ZNF467: variants seen among roughly 807,000 people sequenced by gnomAD.
ZNF467 encodes zinc finger protein 467.
Under a neutral mutation model 47.8 loss-of-function variants are expected in ZNF467, and 51 were observed. The ratio of observed to expected loss-of-function variants is 1.07; its 90% CI spans 0.85 to 1.35. ZNF467 has a LOEUF of 1.35. Ranked by LOEUF, ZNF467 falls within the 40% of genes most tolerant of loss-of-function variation. ZNF467 has a pLI of 0.00. For missense variants in ZNF467, 992 were observed against 858.1 expected, an observed-to-expected ratio of 1.16 and a Z score of -1.95; for synonymous variants, 416 against 372.9, an observed-to-expected ratio of 1.12 and a Z score of -1.33.
chr7:149,765,651 T>C lies in ZNF467; in HGVS notation c.851A>G (p.Lys284Arg). 1.2e-6 allele frequency: 2 copies of C among 1,611,518 alleles called. No homozygotes were observed. The change falls in exon 5 of 5, where the codon AAG (lysine) becomes AGG (arginine). Residue 284 changes from lysine to arginine, a missense_variant. Physicochemically the swap from Lys to Arg is conservative, Grantham distance 26. Coordinates refer to ENST00000302017, the MANE Select transcript of ZNF467 (RefSeq NM_207336.3). Reference sequence around the variant, plus strand: ...GCGCTGGTGCCGAATCAAGTGCGTCTTCTTGCGAAAGCGCTTCTCGCATTC... The same window carrying C: ...GCGCTGGTGCCGAATCAAGTGCGTCCTCTTGCGAAAGCGCTTCTCGCATTC... ...CTECEKRFRK[K>R]THLIRHQRIH...
At position 149,764,426 on chromosome 7, in the gene ZNF467, G is replaced by A; in HGVS notation, c.*288C>T. Reference sequence around the variant, plus strand: ...ATAACCACTCTTTCCTGCCCTGGTTGAGGCCGCGCTGGGTCCGGGAAATAT... The same window carrying A: ...ATAACCACTCTTTCCTGCCCTGGTTAAGGCCGCGCTGGGTCCGGGAAATAT... On this transcript the variant is annotated 3_prime_UTR_variant, in exon 5 of 5. Transcript: ENST00000302017. The A allele has an allele frequency of 1.7e-6, 1 of 602,382 alleles. No individual in the cohort carries two copies. 37.3% of individuals were successfully genotyped at this position (602,382 alleles called of 1,614,324 possible). A position where few individuals can be genotyped will look rare whatever the true frequency, so the allele number is the denominator to read the frequency against.
At chr7:149,774,448 G>A (rs1799521114), upstream of ZNF467, among the ~76,000 whole-genome samples, 1 of 152,158 alleles carries the variant, frequency 6.6e-6, no homozygotes, top group African/African-American at 2.4e-5. This position sits in a 1 kb window ranked among gnomAD's most constrained non-coding sequence, Gnocchi z 5.7. Flanking sequence ...CCCAATCCCA[G>A]TGCTGCCTGA....
chr7:149,772,293 G>A (rs1269676575), intron 1 of ZNF467, among the ~76,000 whole-genome samples: 5 of 34,384 alleles, frequency 1.5e-4, no homozygotes, highest in Admixed American at 6.1e-4. Context: ...CTTCCCCTCC[G>A]AGGCCCCCGC....
intron 1 of ZNF467, among the ~76,000 whole-genome samples, chr7:149,771,376 C>A (rs981109720): frequency 1.3e-5 from 2 of 152,196 alleles, no homozygotes; most frequent in African/African-American, 2.4e-5. Context: ...CACGCCCCAG[C>A]GTCCTTGCCT....
Position 149,764,816 on chromosome 7 carries a change from C to G in ZNF467, c.1686G>C (p.Gln562His), listed in dbSNP as rs1322211867. ...FSRKTHLVRH[Q>H]LIHGEAAHAA... The stretch of plus-strand genomic sequence containing the variant: ...CGTGGGCGGCTTCGCCGTGAATGAG[C>G]TGGTGCCGCACCAGGTGGGTCTTGC... The change falls in exon 5 of 5, where the codon CAG (glutamine) becomes CAC (histidine). Residue 562 changes from glutamine (Q) to histidine (H), a missense_variant. Gln to His is a conservative substitution (Grantham distance 24, BLOSUM62 0). Transcript: ENST00000302017. 1.3e-6 allele frequency: 2 copies of G among 1,535,186 alleles called. No homozygotes were observed. Among genetic ancestry groups the G allele is most frequent in the Non-Finnish European group, 1.8e-6 (2 of 1,141,898 alleles).
Position 149,770,530 on chromosome 7 carries a change from C to A in ZNF467, c.61G>T (p.Ala21Ser). Reference sequence around the variant, plus strand: ...CCTTCCCTGGGCTCACTTTGGGGGGCCATCTCTGGCTGTCCCACAGAGAAT... The same window carrying A: ...CCTTCCCTGGGCTCACTTTGGGGGGACATCTCTGGCTGTCCCACAGAGAAT... ...LGFSVGQPEM[A>S]PQSEPREGSH... Residue 21 changes from alanine to serine, a missense_variant, in exon 3 of 5, where the codon GCC (alanine) becomes TCC (serine). Ala to Ser is a moderately conservative substitution (Grantham distance 99, BLOSUM62 1). Transcript: ENST00000302017. The A allele has an allele frequency of 6.2e-7, 1 of 1,613,444 alleles. No individual in the cohort carries two copies. The highest frequency in any genetic ancestry group is 8.5e-7 in the Non-Finnish European group (1 of 1,179,702).
At chr7:149,772,457 T>C (rs1799452022) in intron 1 of ZNF467, among the ~76,000 whole-genome samples, 2 of 95,104 alleles carry the variant, frequency 2.1e-5, no homozygotes, top group Non-Finnish European at 4.0e-5. Flanking sequence ...GCTGACCCGC[T>C]CTCTCGGGAC....
intron 2 of ZNF467, 139 bp downstream of exon 2, chr7:149,770,860 T>A: frequency 9.7e-7 from 1 of 1,036,154 alleles, no homozygotes; most frequent in Non-Finnish European, 1.5e-6. Context: ...CACCCCGTGC[T>A]ACAGAAAAGG....
upstream of ZNF467, chr7:149,776,029 G>C: frequency 7.3e-7 from 1 of 1,364,866 alleles, no homozygotes; most frequent in Non-Finnish European, 9.8e-7. Context: ...GGTGCCCTGG[G>C]GGTGAGGGCA....
intron 1 of ZNF467, 118 bp downstream of exon 1, chr7:149,772,990 C>T (rs987344268): frequency 4.7e-5 from 7 of 149,496 alleles, no homozygotes; most frequent in African/African-American, 1.5e-4. Flanking sequence ...CCCCCACGCC[C>T]GCCGTCCGCG....
At chr7:149,773,683 G>C (rs1466455482), upstream of ZNF467, among the ~76,000 whole-genome samples, 1 of 148,398 alleles carries the variant, frequency 6.7e-6, no homozygotes, top group Non-Finnish European at 1.5e-5. Context: ...AACGAGGAGG[G>C]GCCGTGTCGG....
chr7:149,764,534 G>T lies in ZNF467; in HGVS notation c.*180C>A. 1 of 1,157,340 alleles carries T rather than the reference G, an allele frequency of 8.6e-7. No individual in the cohort carries two copies. Among genetic ancestry groups the T allele is most frequent in the Non-Finnish European group, 1.3e-6 (1 of 798,756 alleles). The allele number at this position is 1,157,340 out of a possible 1,614,324, so 71.7% of individuals were successfully genotyped here. On this transcript the variant is annotated 3_prime_UTR_variant, in exon 5 of 5. Transcript: ENST00000302017. ...CCCAGCAAGGGTTCGCTGAGTCTCT[G>T]TCCTAGGAGGTCCGAGCTGGGTATG...
chr7:149,769,179 T>A lies in ZNF467; in HGVS notation c.173A>T (p.Glu58Val). ...GGCTTGTTCTGTGTGGGCACCTTCC[T>A]CCGGTGTAGGGGCCTCGTGCCCTGG... ...VCSGHEAPTP[E>V]EGAHTEQAEA... The change falls in exon 4 of 5, where the codon GAG becomes GTG. Residue 58 changes from glutamate to valine, a missense_variant. Transcript: ENST00000302017. The surrounding 1 kb of genome is among the most constrained non-coding windows in gnomAD (Gnocchi z 5.3). 1 of 1,559,780 alleles carries A rather than the reference T, an allele frequency of 6.4e-7. No individual in the cohort carries two copies.
chr7:149,765,732 A>C lies in ZNF467; in HGVS notation c.770T>G (p.Ile257Ser), dbSNP rs781690413. The C allele has an allele frequency of 1.2e-6, 2 of 1,609,864 alleles. No individual in the cohort carries two copies. Among genetic ancestry groups the C allele is most frequent in the South Asian group, 2.2e-5 (2 of 90,902 alleles). Reference sequence around the variant, plus strand: ...GGTCTTTTGGTGCGAGCCCAGGTGGATCTTCTGGCTGAAGCGCTTGCCGCA... The same window carrying C: ...GGTCTTTTGGTGCGAGCCCAGGTGGCTCTTCTGGCTGAAGCGCTTGCCGCA... ...AECGKRFSQK[I>S]HLGSHQKTHT... Residue 257 changes from isoleucine to serine, a missense_variant, in exon 5 of 5, where the codon ATC (isoleucine) becomes AGC (serine). Transcript: ENST00000302017.
chr7:149,769,985 C>T lies in ZNF467; in HGVS notation c.151+455G>A, dbSNP rs1245185438. ...AGCCACCATGCCCGGCTTCCCCAAG[C>T]TCCTTCAAATCCTGCACAAATCTTA... is the stretch of plus-strand genomic sequence containing the variant. On this transcript the variant is annotated intron_variant, in intron 3 of 4. Coordinates refer to ENST00000302017, the MANE Select transcript of ZNF467 (RefSeq NM_207336.3). The surrounding 1 kb of genome is among the most constrained non-coding windows in gnomAD (Gnocchi z 5.3). Among the ~76,000 whole-genome samples the T allele has an allele frequency of 6.6e-6, 1 of 152,150 alleles. No homozygotes were observed. The highest frequency in any genetic ancestry group is 1.5e-5 in the Non-Finnish European group (1 of 68,026).
rs867642215 is a variant in ZNF467, at chr7:149,771,855, T to C, written c.-42-781A>G. On this transcript the variant is annotated intron_variant, in intron 1 of 4. Coordinates refer to ENST00000302017, the MANE Select transcript of ZNF467 (RefSeq NM_207336.3). ...CCGCCCCCGGCCCCGCCCCTCAGGCTCCGCCCGCCCGAGCCCGGCAGGGCC... is the reference window on the plus strand; with the variant it reads ...CCGCCCCCGGCCCCGCCCCTCAGGCCCCGCCCGCCCGAGCCCGGCAGGGCC... 5.1e-3 allele frequency among the ~76,000 whole-genome samples: 481 copies of C among 93,622 alleles called. 5 individuals carry two copies. Among genetic ancestry groups the C allele is most frequent in the South Asian group, 0.044 (125 of 2,832 alleles). The allele number at this position is 93,622 out of a possible 152,430, so 61.4% of individuals were successfully genotyped here. A position where few individuals can be genotyped will look rare whatever the true frequency, so the allele number is the denominator to read the frequency against.
upstream of ZNF467, among the ~76,000 whole-genome samples, chr7:149,775,750 CACACAA>C (rs1455367946): frequency 3.6e-5 from 5 of 139,538 alleles, no homozygotes; most frequent in Admixed American, 7.1e-5. Context: ...CACACACACA[CACACAA>C]AGGGAAACAG....
chr7:149,765,530 C>G lies in ZNF467; in HGVS notation c.972G>C (p.Thr324=), dbSNP rs144653466. The G allele has an allele frequency of 7.6e-6, 12 of 1,579,512 alleles. No homozygotes were observed. The South Asian group carries it at 9.2e-5, about 12-fold the overall frequency. Reference sequence around the variant, plus strand: ...CGGGAGAGGGCCTGGCCGGGCCGGCCGTCTGGTGCACCCTTTGGTGCCGCA... The same window carrying G: ...CGGGAGAGGGCCTGGCCGGGCCGGCGGTCTGGTGCACCCTTTGGTGCCGCA... ...HLVRHQRVHQ[T]AGPARPSPDS... is the part of the protein sequence containing the mutation. Residue 324 remains threonine, a synonymous_variant, in exon 5 of 5, where the codon ACG becomes ACC. Coordinates refer to ENST00000302017, the MANE Select transcript of ZNF467 (RefSeq NM_207336.3).
intron 4 of ZNF467, among the ~76,000 whole-genome samples, chr7:149,768,246 T>C (rs1659574360): frequency 6.6e-6 from 1 of 152,252 alleles, no homozygotes; most frequent in African/African-American, 2.4e-5. Context: ...TTCTGAGGTA[T>C]GGACATTTTG....
Sources: allele counts gnomAD v4.1 joint callset (sites outside exome capture counted in the v4.1 genomes callset), GRCh38; gene constraint gnomAD v4.1.1; non-coding constraint Gnocchi (gnomAD v3.1); transcripts MANE v1.5; gene names NCBI Gene and HGNC (gene_info 2026-07-23, HGNC 2026-07-21).